NEK1: variants seen among roughly 807,000 people sequenced by gnomAD.
NEK1 encodes NIMA related kinase 1, also known as serine/threonine-protein kinase Nek1.
In NEK1, 137 loss-of-function variants were observed where a neutral mutation model predicts 182.1. That is an observed-to-expected ratio of 0.75 (90% CI 0.65 to 0.87). The LOEUF (loss-of-function observed/expected upper bound fraction) is 0.87, where lower values mean the gene tolerates loss of function less well. NEK1 is among the 40% of genes least tolerant of loss of function. The pLI is 0.00. For synonymous variants in NEK1, 513 were observed against 492.2 expected, an observed-to-expected ratio of 1.04 and a Z score of -0.56; for missense variants, 1,391 against 1,494.4, an observed-to-expected ratio of 0.93 and a Z score of 1.14.
chr4:169,437,645 A>C (rs1738669342), intron 28 of NEK1, among the ~76,000 whole-genome samples: 1 of 152,334 alleles, frequency 6.6e-6, no homozygotes, highest in East Asian at 1.9e-4. Context: ...AAGTCAGACT[A>C]TCCTGCCAGA....
intron 31 of NEK1, among the ~76,000 whole-genome samples, chr4:169,415,011 T>C (rs901284216): frequency 1.3e-5 from 2 of 152,222 alleles, no homozygotes; most frequent in African/African-American, 4.8e-5. Context: ...CACCGCCTCA[T>C]TGGATTTCAA....
intron 27 of NEK1, among the ~76,000 whole-genome samples, chr4:169,448,520 T>TGAAG (rs70964205): frequency 2.0e-5 from 3 of 151,850 alleles, no homozygotes; most frequent in Admixed American, 6.6e-5. Context: ...AATGAAGATA[T>TGAAG]GAAGGAAGGA....
chr4:169,485,797 T>C (rs988830646), intron 23 of NEK1, among the ~76,000 whole-genome samples: 3 of 152,200 alleles, frequency 2.0e-5, no homozygotes, highest in African/African-American at 7.2e-5. Context: ...GGAGGAGCAC[T>C]TGAGCCCAGG....
chr4:169,577,457 T>C (rs1765879623), intron 11 of NEK1, among the ~76,000 whole-genome samples: 1 of 152,164 alleles, frequency 6.6e-6, no homozygotes, highest in South Asian at 2.1e-4. Flanking sequence ...GTATGTAAGT[T>C]ATGTATCAAT....
intron 5 of NEK1, among the ~76,000 whole-genome samples, chr4:169,596,036 G>A (rs1181073920): frequency 6.6e-6 from 1 of 151,670 alleles, no homozygotes; most frequent in East Asian, 1.9e-4. Flanking sequence ...AAATGGTAAA[G>A]TCACTTTCTA....
intron 28 of NEK1, among the ~76,000 whole-genome samples, chr4:169,436,411 CTG>C (rs1343988689): frequency 1.3e-5 from 2 of 152,010 alleles, no homozygotes; most frequent in South Asian, 4.2e-4. Context: ...TTACTGGAGG[CTG>C]AAGAAAAGGG....
intron 12 of NEK1, among the ~76,000 whole-genome samples, chr4:169,566,543 T>TAA (rs565810694): frequency 6.6e-6 from 1 of 151,126 alleles, no homozygotes; most frequent in Non-Finnish European, 1.5e-5. Flanking sequence ...ACAGAGCCTT[T>TAA]AAAAAAAAAC....
At chr4:169,481,760 C>A (rs1040431771) in intron 23 of NEK1, among the ~76,000 whole-genome samples, 1 of 152,216 alleles carries the variant, frequency 6.6e-6, no homozygotes, top group Admixed American at 6.5e-5. Flanking sequence ...TTCAGAATGG[C>A]AAATGAGCAC....
chr4:169,538,068 T>C (rs562983731), intron 18 of NEK1, among the ~76,000 whole-genome samples, 157 bp from the exon 19 acceptor site: 8 of 152,104 alleles, frequency 5.3e-5, no homozygotes, highest in African/African-American at 1.4e-4. Flanking sequence ...TATATTGACA[T>C]CTACTACCTA....
At chr4:169,508,715 A>C (rs1207712770) in intron 20 of NEK1, 54 bp downstream of exon 20, 1 of 1,341,148 alleles carries the variant, frequency 7.5e-7, no homozygotes, top group African/African-American at 1.5e-5. Context: ...AAAAGAAGGC[A>C]ATAAATTCAA....
At chr4:169,584,157 T>G (rs1237474344) in intron 10 of NEK1, among the ~76,000 whole-genome samples, 1 of 152,144 alleles carries the variant, frequency 6.6e-6, no homozygotes, top group Non-Finnish European at 1.5e-5. Flanking sequence ...TCAAAAATCT[T>G]GTGAAATTAA....
chr4:169,590,818 A>G lies in NEK1; in HGVS notation c.313-9T>C. 2 of 1,564,350 alleles carry G rather than the reference A, an allele frequency of 1.3e-6. No individual in the cohort carries two copies. Among genetic ancestry groups the G allele is most frequent in the Non-Finnish European group, 1.7e-6 (2 of 1,145,684 alleles). Reference sequence around the variant, plus strand: ...ACAAACCAGTCCAAAATCTAGGAAGAAAAATCAGATCTGTCAAGCCTCTCT... The same window carrying G: ...ACAAACCAGTCCAAAATCTAGGAAGGAAAATCAGATCTGTCAAGCCTCTCT... On this transcript the variant is annotated splice_polypyrimidine_tract_variant and intron_variant, in intron 5 of 35. Transcript: ENST00000507142.
chr4:169,424,788 T>G lies in NEK1; in HGVS notation c.2987A>C (p.Asn996Thr). The change falls in exon 31 of 36, where the codon AAT (asparagine) becomes ACT (threonine). Residue 996 changes from asparagine (N) to threonine (T), a missense_variant. Asn to Thr is a moderately conservative substitution (Grantham distance 65). Coordinates refer to ENST00000507142, the MANE Select transcript of NEK1 (RefSeq NM_001199397.3). ...ATCACATTTAGAGTGCTGAGAATCA[T>G]TGGTTCCAGGCTCTGTGGTAGAAAG... ...LSDIHIEPGT[N>T]DSQHSKCDVD... 6.2e-7 allele frequency: 1 copy of G among 1,607,768 alleles called. No individual in the cohort carries two copies. Among genetic ancestry groups the G allele is most frequent in the Non-Finnish European group, 8.5e-7 (1 of 1,174,758 alleles).
chr4:169,600,054 T>A (rs538605141), intron 4 of NEK1, among the ~76,000 whole-genome samples: 2 of 152,246 alleles, frequency 1.3e-5, no homozygotes, highest in South Asian at 4.1e-4. Context: ...ATTCTTTCCA[T>A]CCCTTACTTC....
intron 19 of NEK1, among the ~76,000 whole-genome samples, chr4:169,535,270 C>T (rs752549424): frequency 7.2e-5 from 11 of 152,086 alleles, no homozygotes; most frequent in African/African-American, 1.9e-4. Flanking sequence ...TTGCAGCAAG[C>T]GGAGATCATG....
rs75545471 is a variant in NEK1, at chr4:169,505,356, T to C, written c.2007+1681A>G. The stretch of plus-strand genomic sequence containing the variant: ...TTCCTCAGCCTACTCCACCTGAAGA[T>C]GAGCATGAAGACCTTTATGATGATC... On this transcript the variant is annotated intron_variant, in intron 23 of 35. Coordinates refer to ENST00000507142, the MANE Select transcript of NEK1 (RefSeq NM_001199397.3). 3.8e-3 allele frequency among the ~76,000 whole-genome samples: 575 copies of C among 152,246 alleles called. 2 individuals are homozygous for C. The highest frequency in any genetic ancestry group is 0.013 in the African/African-American group (555 of 41,542).
chr4:169,404,818 A>T (rs1385329758), intron 32 of NEK1, among the ~76,000 whole-genome samples: 1 of 152,032 alleles, frequency 6.6e-6, no homozygotes, highest in East Asian at 1.9e-4. Context: ...TTTAGGGTAC[A>T]TGTGCACAAT....
At chr4:169,397,766 A>G (rs1037843821) in intron 35 of NEK1, among the ~76,000 whole-genome samples, 1 of 152,184 alleles carries the variant, frequency 6.6e-6, no homozygotes, top group Non-Finnish European at 1.5e-5. Context: ...GAAGCCACTC[A>G]GTTGTCAAAA....
intron 12 of NEK1, among the ~76,000 whole-genome samples, chr4:169,572,034 G>A (rs541809317): frequency 5.3e-5 from 8 of 151,866 alleles, no homozygotes; most frequent in Middle Eastern, 3.4e-3. Flanking sequence ...AGGAGCCACC[G>A]GGCCCGGCCG....
Sources: allele counts gnomAD v4.1 joint callset (sites outside exome capture counted in the v4.1 genomes callset), GRCh38; gene constraint gnomAD v4.1.1; transcripts MANE v1.5; gene names NCBI Gene and HGNC (gene_info 2026-07-23, HGNC 2026-07-21).